CRTC3: variants seen among roughly 807,000 people sequenced by gnomAD.
The protein encoded by CRTC3 is CREB regulated transcription coactivator 3.
CRTC3 carries 26 observed loss-of-function variants against 74.5 expected under a neutral mutation model. The ratio of observed to expected loss-of-function variants is 0.35; its 90% CI spans 0.26 to 0.48. CRTC3 has a LOEUF of 0.48. Among genes scored for constraint, CRTC3 ranks in the 20% least tolerant of loss-of-function variants. CRTC3 has a pLI of 0.99. For synonymous variants in CRTC3, 377 were observed against 325.8 expected, an observed-to-expected ratio of 1.16 and a Z score of -1.69; for missense variants, 760 against 787.3, an observed-to-expected ratio of 0.97 and a Z score of 0.41.
Position 90,617,911 on chromosome 15 carries a change from A to C in CRTC3, c.642A>C (p.Glu214Asp), listed in dbSNP as rs752176911. The C allele has an allele frequency of 6.2e-7, 1 of 1,612,958 alleles. No individual in the cohort carries two copies. The highest frequency in any genetic ancestry group is 8.5e-7 in the Non-Finnish European group (1 of 1,179,044). The change falls in exon 8 of 15, where the codon GAA becomes GAC. Residue 214 changes from glutamate (E) to aspartate (D), a missense_variant. By Grantham distance (45) the Glu-to-Asp change is conservative (BLOSUM62 2). Transcript: ENST00000268184. ...CATCTTTCCCTGGCCCATTGAAAGA[A>C]GAGAATCTGTTAAATGTTCCGAAGC... ...EVASFPGPLKEENLLNVPKPL... is the reference protein window; with the variant it reads ...EVASFPGPLKDENLLNVPKPL...
chr15:90,625,649 G>C (rs1968806657), intron 9 of CRTC3, 127 bp from the exon 10 acceptor site: 1 of 803,058 alleles, frequency 1.2e-6, no homozygotes, highest in Non-Finnish European at 2.1e-6. Context: ...AATCAGAGAG[G>C]CCGCACCAGG....
intron 11 of CRTC3, among the ~76,000 whole-genome samples, chr15:90,636,112 C>T (rs1324463300): frequency 2.0e-5 from 3 of 152,026 alleles, no homozygotes; most frequent in African/African-American, 7.2e-5. Flanking sequence ...AATCCTAAGC[C>T]AAAAGAACAA....
At chr15:90,606,502 C>A (rs1249276378) in intron 5 of CRTC3, among the ~76,000 whole-genome samples, 3 of 151,892 alleles carry the variant, frequency 2.0e-5, no homozygotes, top group Non-Finnish European at 4.4e-5. Flanking sequence ...GCAGATGTTG[C>A]AGTGAGCCGA....
intron 2 of CRTC3, among the ~76,000 whole-genome samples, chr15:90,583,213 A>G (rs1185663744): frequency 1.3e-5 from 2 of 152,124 alleles, no homozygotes; most frequent in East Asian, 3.9e-4. Context: ...TTTTGACTTT[A>G]CCTGCTAAAA....
chr15:90,582,039 C>T (rs1967554464), intron 2 of CRTC3, among the ~76,000 whole-genome samples: 1 of 152,194 alleles, frequency 6.6e-6, no homozygotes, highest in East Asian at 1.9e-4. Context: ...AGCCACTAGG[C>T]CGGACTCCTG....
chr15:90,579,380 G>C (rs1208886101), intron 2 of CRTC3, among the ~76,000 whole-genome samples: 1 of 152,146 alleles, frequency 6.6e-6, no homozygotes, highest in Non-Finnish European at 1.5e-5. Flanking sequence ...GGACAGTCCT[G>C]GTTCTTGGGT....
intron 1 of CRTC3, among the ~76,000 whole-genome samples, chr15:90,534,869 GA>G (rs779786220): frequency 2.5e-4 from 38 of 152,094 alleles, no homozygotes; most frequent in Non-Finnish European, 5.4e-4. Context: ...GTCAGAAGGT[GA>G]ACTGTGAGGC....
intron 2 of CRTC3, among the ~76,000 whole-genome samples, chr15:90,589,737 A>G (rs1438257756): frequency 2.0e-5 from 3 of 152,238 alleles, no homozygotes; most frequent in Non-Finnish European, 4.4e-5. Flanking sequence ...CTGTAATCCT[A>G]GTACTTTGGG....
chr15:90,586,492 G>A (rs1402809494), intron 2 of CRTC3, among the ~76,000 whole-genome samples: 2 of 150,402 alleles, frequency 1.3e-5, no homozygotes, highest in Non-Finnish European at 3.0e-5. Flanking sequence ...TTAGCCTCCC[G>A]GTAGCTGGGA....
chr15:90,631,507 C>T (rs949704477), intron 11 of CRTC3, among the ~76,000 whole-genome samples: 4 of 152,044 alleles, frequency 2.6e-5, no homozygotes, highest in African/African-American at 9.7e-5. Context: ...GCAGACGGAT[C>T]ACTTGAGGGT....
At chr15:90,557,987 C>T (rs150516263) in intron 2 of CRTC3, among the ~76,000 whole-genome samples, 68 of 152,228 alleles carry the variant, frequency 4.5e-4, no homozygotes, top group African/African-American at 1.6e-3. Flanking sequence ...CCCCACTTGC[C>T]TTTCTGATTG....
chr15:90,549,542 G>A (rs894111125), intron 2 of CRTC3, among the ~76,000 whole-genome samples: 3 of 152,102 alleles, frequency 2.0e-5, no homozygotes, highest in African/African-American at 4.8e-5. Flanking sequence ...TTAGGAGGCC[G>A]AGGCGGGCAG....
chr15:90,603,989 T>C (rs1003581872), intron 4 of CRTC3, among the ~76,000 whole-genome samples: 1 of 152,186 alleles, frequency 6.6e-6, no homozygotes, highest in African/African-American at 2.4e-5. Flanking sequence ...CCAGGACTGG[T>C]TAGACTTAAT....
intron 4 of CRTC3, 100 bp downstream of exon 4, chr15:90,602,485 A>T: frequency 1.4e-6 from 1 of 721,744 alleles, no homozygotes; most frequent in Non-Finnish European, 2.4e-6. Context: ...TCTAATATAA[A>T]GCATAGAATC....
intron 2 of CRTC3, among the ~76,000 whole-genome samples, chr15:90,550,827 G>T (rs1966854302): frequency 6.6e-6 from 1 of 151,948 alleles, no homozygotes; most frequent in Non-Finnish European, 1.5e-5. Context: ...GCCTGGGAAA[G>T]GGGATCAGAA....
intron 3 of CRTC3, chr15:90,600,188 G>A (rs1184604120): frequency 6.6e-6 from 1 of 152,216 alleles, no homozygotes; most frequent in African/African-American, 2.4e-5. Context: ...AATGAGACTT[G>A]TCAAAGAAAA....
At chr15:90,627,693 C>T (rs1220032769) in intron 10 of CRTC3, among the ~76,000 whole-genome samples, 3 of 151,180 alleles carry the variant, frequency 2.0e-5, no homozygotes, top group Non-Finnish European at 2.9e-5. Flanking sequence ...GCCATCTCGG[C>T]TCACTGCAAG....
intron 2 of CRTC3, among the ~76,000 whole-genome samples, chr15:90,578,395 A>C (rs1212314735): frequency 7.2e-5 from 11 of 152,028 alleles, no homozygotes; most frequent in Non-Finnish European, 1.6e-4. Context: ...AAAAATACAA[A>C]AATTAGCGAG....
intron 2 of CRTC3, among the ~76,000 whole-genome samples, chr15:90,563,329 C>T (rs975444038): frequency 2.6e-5 from 4 of 151,900 alleles, no homozygotes; most frequent in South Asian, 4.2e-4. Flanking sequence ...TCACTTGAAC[C>T]GAGGAGGCGG....
Sources: allele counts gnomAD v4.1 joint callset (sites outside exome capture counted in the v4.1 genomes callset), GRCh38; gene constraint gnomAD v4.1.1; transcripts MANE v1.5; gene names NCBI Gene and HGNC (gene_info 2026-07-23, HGNC 2026-07-21).